The following ACTN3 variants were observed in gnomAD, a reference collection of about 807,000 sequenced individuals.
ACTN3 encodes the protein alpha-actinin-3.
Under a neutral mutation model 119.6 loss-of-function variants are expected in ACTN3, and 91 were observed. That is an observed-to-expected ratio of 0.76 (90% confidence interval 0.64 to 0.91). ACTN3 has a LOEUF of 0.91. Among genes scored for constraint, ACTN3 ranks in the 40% least tolerant of loss-of-function variants. The pLI is 0.00. For synonymous variants in ACTN3, 456 were observed against 478.8 expected, an observed-to-expected ratio of 0.95 and a Z score of 0.62; for missense variants, 1,221 against 1,215.1, an observed-to-expected ratio of 1.00 and a Z score of -0.07.
chr11:66,549,333 G>A (rs890973676), intron 1 of ACTN3, among the ~76,000 whole-genome samples: 2 of 152,108 alleles, frequency 1.3e-5, no homozygotes, highest in African/African-American at 2.4e-5. Flanking sequence ...GATCCGCAGC[G>A]TCCCTCCCAT....
rs574039527 is a variant in ACTN3, at chr11:66,558,269, C to T, written c.1276+95C>T. 5.2e-6 allele frequency: 8 copies of T among 1,529,776 alleles called. No homozygotes were observed. In the South Asian group the frequency reaches 8.5e-5, roughly 16 times the overall value. The allele number at this position is 1,529,776 out of a possible 1,614,324, so 94.8% of individuals were successfully genotyped here. A position where few individuals can be genotyped will look rare whatever the true frequency, so the allele number is the denominator to read the frequency against. On this transcript the variant is annotated intron_variant, in intron 11 of 20. Transcript: ENST00000513398. ...GAGGTTCTTGGCAAAATGCACAGGA[C>T]AAGGGTAGGTGCTCTGCAGGAAAGC... is the stretch of plus-strand genomic sequence containing the variant.
At chr11:66,556,962 C>T (rs914392087) in intron 8 of ACTN3, among the ~76,000 whole-genome samples, 171 bp from the exon 9 acceptor site, 1 of 151,756 alleles carries the variant, frequency 6.6e-6, no homozygotes, top group Non-Finnish European at 1.5e-5. Context: ...GGGGTTTCAC[C>T]GTGTTAGCTA....
intron 3 of ACTN3, among the ~76,000 whole-genome samples, chr11:66,552,828 G>A (rs1484799986): frequency 1.3e-5 from 2 of 150,974 alleles, no homozygotes; most frequent in East Asian, 1.9e-4. Context: ...TTGCACTCCA[G>A]CCTGGGTGAC....
intron 3 of ACTN3, 192 bp downstream of exon 3, chr11:66,551,839 G>A (rs1257141223): frequency 7.9e-6 from 3 of 379,208 alleles, no homozygotes; most frequent in Non-Finnish European, 1.1e-5. Flanking sequence ...ACTTTGGGAG[G>A]CCAAGGCCAG....
chr11:66,551,230 T>G lies in ACTN3; in HGVS notation c.148-9T>G. ...GTCGTAGGGTTTGAGTGCTGTCCTC[T>G]GCCCCTAGACCTTCACTGCCTGGTG... is the stretch of plus-strand genomic sequence containing the variant. On this transcript the variant is annotated splice_polypyrimidine_tract_variant and intron_variant, in intron 1 of 20. Transcript: ENST00000513398. 6.3e-7 allele frequency: 1 copy of G among 1,598,430 alleles called. No homozygotes were observed. The highest frequency in any genetic ancestry group is 8.5e-7 in the Non-Finnish European group (1 of 1,171,018).
chr11:66,556,051 C>A, intron 7 of ACTN3, 94 bp from the exon 8 acceptor site: 1 of 1,177,980 alleles, frequency 8.5e-7, no homozygotes. Context: ...GTGGCCATGA[C>A]TGGATGCTTC....
At chr11:66,555,772 C>T (rs117938990) in intron 7 of ACTN3, among the ~76,000 whole-genome samples, 3 of 152,312 alleles carry the variant, frequency 2.0e-5, no homozygotes, top group African/African-American at 7.2e-5. Context: ...GTGGGCACTG[C>T]TGGAGAAGAA....
At position 66,546,928 on chromosome 11, in the gene ACTN3, C is replaced by G. The variant is rs1476651563; in HGVS notation, c.-10C>G. ...GTGCCGAGCGGAGCGAAGCCAGGAG[C>G]CCGATCGAGATGATGATGGTTATGC... On this transcript the variant is annotated 5_prime_UTR_variant, in exon 1 of 21. Transcript: ENST00000513398. 6.5e-7 allele frequency: 1 copy of G among 1,537,880 alleles called. No homozygotes were observed. Among genetic ancestry groups the G allele is most frequent in the Admixed American group, 2.1e-5 (1 of 46,826 alleles).
chr11:66,555,270 C>A lies in ACTN3; in HGVS notation c.637-16C>A. 1 of 1,613,848 alleles carries A rather than the reference C, an allele frequency of 6.2e-7. No homozygotes were observed. Among genetic ancestry groups the A allele is most frequent in the Middle Eastern group, 1.6e-4 (1 of 6,062 alleles). ...CTGCAGCTGACCTTTCACCCTCCTCCCTTACACCCTTCTAGGATGACCCCA... is the reference window on the plus strand; with the variant it reads ...CTGCAGCTGACCTTTCACCCTCCTCACTTACACCCTTCTAGGATGACCCCA... On this transcript the variant is annotated splice_polypyrimidine_tract_variant and intron_variant, in intron 6 of 20. Coordinates refer to ENST00000513398, the MANE Select transcript of ACTN3 (RefSeq NM_001104.4).
rs766817028 is a variant in ACTN3, at chr11:66,560,171, C to T, written c.1537C>T (p.Arg513Trp). 2.0e-5 allele frequency: 32 copies of T among 1,601,018 alleles called. No individual in the cohort carries two copies. Among genetic ancestry groups the T allele is most frequent in the South Asian group, 1.8e-4 (16 of 88,760 alleles). Reference sequence around the variant, plus strand: ...GACCCACTACGCCTCCCACCTCTAGCGGATGGAGAAGCTCCTGGAGACCAT... The same window carrying T: ...GACCCACTACGCCTCCCACCTCTAGTGGATGGAGAAGCTCCTGGAGACCAT... ...LTQKRRDALE[R>W]MEKLLETIDR... The change falls in exon 14 of 21, where the codon CGG (arginine) becomes TGG (tryptophan). Residue 513 changes from arginine to tryptophan, a missense_variant and splice_region_variant. Physicochemically the swap from Arg to Trp is moderately radical, Grantham distance 101. Coordinates refer to ENST00000513398, the MANE Select transcript of ACTN3 (RefSeq NM_001104.4).
chr11:66,560,763 C>G lies in ACTN3; in HGVS notation c.1860+8C>G, dbSNP rs541605622. The G allele has an allele frequency of 2.5e-6, 4 of 1,598,092 alleles. No homozygotes were observed. In the African/African-American group the frequency reaches 5.3e-5, roughly 21 times the overall value. On this transcript the variant is annotated splice_region_variant and intron_variant, in intron 15 of 20. Transcript: ENST00000513398. ...AACACCAAGTGGGATATGGTCAGTG[C>G]CACCTGCAGCCTTCCTCCCACCCCC...
rs1565305494 is a variant in ACTN3, at chr11:66,555,113, CT to C, written c.558-16del. ...CAGCTTGAACCCAGGCCTGACCCCCCTCTTCTCTCTGTCCAGCTGGAAGGAT... is the reference window on the plus strand; with the variant it reads ...CAGCTTGAACCCAGGCCTGACCCCCCCTTCTCTCTGTCCAGCTGGAAGGAT... On this transcript the variant is annotated splice_polypyrimidine_tract_variant and intron_variant, in intron 5 of 20. Transcript: ENST00000513398. 2 of 1,613,576 alleles carry C rather than the reference CT, an allele frequency of 1.2e-6. No homozygotes were observed. Among genetic ancestry groups the C allele is most frequent in the East Asian group, 4.5e-5 (2 of 44,850 alleles).
Position 66,552,880 on chromosome 11 carries a change from T to TCTCTCA in ACTN3, c.383-1164_383-1163insTCTCAC, listed in dbSNP as rs1337756351. Among the ~76,000 whole-genome samples, 73 of 114,794 alleles carry TCTCTCA rather than the reference T, an allele frequency of 6.4e-4. No homozygotes were observed. In the South Asian group the frequency reaches 0.02, roughly 31 times the overall value. 75.3% of individuals were successfully genotyped at this position (114,794 alleles called of 152,430 possible). A position where few individuals can be genotyped will look rare whatever the true frequency, so the allele number is the denominator to read the frequency against. On this transcript the variant is annotated intron_variant, in intron 3 of 20. Coordinates refer to ENST00000513398, the MANE Select transcript of ACTN3 (RefSeq NM_001104.4). ...CTCTCTCTCTCTCTCTCTCTCTCTC[T>TCTCTCA]CACACACACACACACACACACACAC...
intron 15 of ACTN3, 145 bp downstream of exon 15, chr11:66,560,900 C>T (rs1857744210): frequency 1.3e-5 from 12 of 906,584 alleles, no homozygotes; most frequent in Middle Eastern, 3.5e-4. Flanking sequence ...GGATAAATCG[C>T]CTTGCCTGTC....
chr11:66,561,139 G>C, intron 15 of ACTN3, 88 bp from the exon 16 acceptor site: 1 of 1,439,454 alleles, frequency 6.9e-7, no homozygotes, highest in Non-Finnish European at 9.2e-7. Flanking sequence ...AGCAACAGGG[G>C]CTGAGGTTTG....
At position 66,563,258 on chromosome 11, in the gene ACTN3, G is replaced by A. The variant is rs982984137; in HGVS notation, c.*65G>A. On this transcript the variant is annotated 3_prime_UTR_variant, in exon 21 of 21. Coordinates refer to ENST00000513398, the MANE Select transcript of ACTN3 (RefSeq NM_001104.4). Reference sequence around the variant, plus strand: ...ATGCACCCTGTGGCTGATCCCATCCGTCCCTCGGAGCAAGGGCCTAAGAGA... The same window carrying A: ...ATGCACCCTGTGGCTGATCCCATCCATCCCTCGGAGCAAGGGCCTAAGAGA... The A allele has an allele frequency of 3.2e-5, 49 of 1,510,892 alleles. 1 individual carries two copies. The highest frequency in any genetic ancestry group is 2.5e-4 in the Middle Eastern group (1 of 4,016). The allele number at this position is 1,510,892 out of a possible 1,614,324, so 93.6% of individuals were successfully genotyped here.
intron 1 of ACTN3, among the ~76,000 whole-genome samples, chr11:66,548,763 T>TGC (rs1423280046): frequency 6.6e-6 from 1 of 152,174 alleles, no homozygotes; most frequent in African/African-American, 2.4e-5. Flanking sequence ...TCTTACCATG[T>TGC]GCCAGCGCTG....
At chr11:66,549,592 G>A (rs916738799) in intron 1 of ACTN3, among the ~76,000 whole-genome samples, 6 of 152,024 alleles carry the variant, frequency 3.9e-5, no homozygotes, top group East Asian at 1.9e-4. Context: ...TTAGCAGGGC[G>A]TGGCGACGCA....
chr11:66,555,446 C>T, intron 7 of ACTN3, 79 bp downstream of exon 7: 3 of 1,457,232 alleles, frequency 2.1e-6, no homozygotes, highest in Non-Finnish European at 2.9e-6. Context: ...TTTGCACGGC[C>T]CTTTCCTCCT....
Sources: allele counts gnomAD v4.1 joint callset (sites outside exome capture counted in the v4.1 genomes callset), GRCh38; gene constraint gnomAD v4.1.1; transcripts MANE v1.5; gene names NCBI Gene and HGNC (gene_info 2026-07-23, HGNC 2026-07-21).